CHM: variants seen among roughly 807,000 people sequenced by gnomAD.
CHM encodes the protein rab proteins geranylgeranyltransferase component A 1.
A neutral mutation model predicts 49.0 loss-of-function variants in CHM; 10 were observed. The observed-to-expected ratio is 0.20, with a 90% confidence interval of 0.13 to 0.35. The LOEUF is 0.35. Ranked by LOEUF, CHM falls within the 10% of genes least tolerant of loss-of-function variation. The pLI, the probability that CHM is intolerant of heterozygous loss-of-function variation, is 1.00. For synonymous variants in CHM, 184 were observed against 167.5 expected (o/e 1.10, Z -0.76); for missense variants, 455 against 478.4 (o/e 0.95, Z 0.46).
intron 13 of CHM, among the ~76,000 whole-genome samples, chrX:85,878,227 T>A (rs1291167118): frequency 3.6e-5 from 4 of 111,928 alleles, no homozygotes; most frequent in Non-Finnish European, 5.6e-5. Context: ...CGCCTTTAAT[T>A]CCAGCACTTT....
intron 2 of CHM, among the ~76,000 whole-genome samples, chrX:85,985,469 C>T (rs896876272): frequency 1.6e-4 from 18 of 111,887 alleles, no homozygotes; most frequent in Non-Finnish European, 3.0e-4. Flanking sequence ...CTTTGGATGA[C>T]ATAGCCATTC....
At chrX:85,922,919 G>A (rs963432607) in intron 8 of CHM, among the ~76,000 whole-genome samples, 1 of 112,220 alleles carries the variant, frequency 8.9e-6, no homozygotes, top group African/African-American at 3.2e-5. Context: ...CAATGATCCA[G>A]TATTGCCAAA....
intron 9 of CHM, among the ~76,000 whole-genome samples, chrX:85,905,651 G>A (rs1290917669): frequency 3.6e-5 from 4 of 111,682 alleles, no homozygotes; most frequent in Non-Finnish European, 7.5e-5. Flanking sequence ...ATAACATACA[G>A]TTAAGCAAGC....
intron 5 of CHM, among the ~76,000 whole-genome samples, chrX:85,961,017 A>G (rs1460657429): frequency 9.0e-6 from 1 of 111,547 alleles, no homozygotes; most frequent in Non-Finnish European, 1.9e-5. Context: ...ATGAATGTGT[A>G]TTGTCAACTG....
At chrX:86,035,179 T>G in intron 1 of CHM, among the ~76,000 whole-genome samples, 1 of 112,126 alleles carries the variant, frequency 8.9e-6, no homozygotes, top group East Asian at 2.8e-4. Flanking sequence ...TGGCCCCTCC[T>G]TCCTATTGAA....
intron 8 of CHM, among the ~76,000 whole-genome samples, chrX:85,937,173 G>A (rs1451605282): frequency 9.3e-6 from 1 of 107,792 alleles, no homozygotes; most frequent in Non-Finnish European, 1.9e-5. Context: ...GGCTGAGGCA[G>A]GAGAATCACT....
intron 8 of CHM, among the ~76,000 whole-genome samples, chrX:85,911,852 G>GC (rs1308549772): frequency 3.7e-4 from 41 of 111,583 alleles, no homozygotes; most frequent in African/African-American, 1.3e-3. Context: ...TGCAGCAGAA[G>GC]CCCTAGGGAG....
At chrX:85,960,457 T>C (rs1406231663) in intron 5 of CHM, among the ~76,000 whole-genome samples, 2 of 110,063 alleles carry the variant, frequency 1.8e-5, no homozygotes, top group East Asian at 5.7e-4. Context: ...ACAGAGTCTC[T>C]CTGCTGCTCA....
intron 8 of CHM, among the ~76,000 whole-genome samples, chrX:85,919,321 T>TAAA (rs1927643376): frequency 9.0e-6 from 1 of 111,601 alleles, no homozygotes; most frequent in Middle Eastern, 4.3e-3. Flanking sequence ...AATAATCCAC[T>TAAA]TAACCAAAAT....
intron 8 of CHM, among the ~76,000 whole-genome samples, chrX:85,954,762 C>T (rs1181743780): frequency 1.8e-5 from 2 of 109,461 alleles, no homozygotes; most frequent in East Asian, 2.9e-4. Context: ...TGTGGTGGCA[C>T]GTGCCTGTAA....
At chrX:85,876,461 G>A (rs1924418372) in intron 13 of CHM, among the ~76,000 whole-genome samples, 1 of 111,817 alleles carries the variant, frequency 8.9e-6, no homozygotes, top group South Asian at 3.7e-4. Context: ...GTGCTTTAAT[G>A]TATTAGAAGT....
At position 85,864,580 on chromosome X, in the gene CHM, G is replaced by A. The variant is rs1358990425; in HGVS notation, c.*50C>T. 2 of 1,058,851 alleles carry A rather than the reference G, an allele frequency of 1.9e-6. No individual in the cohort carries two copies. The highest frequency in any genetic ancestry group is 2.3e-5 in the Admixed American group (1 of 43,424). The allele number at this position is 1,058,851 out of a possible 1,213,427, so 87.3% of individuals were successfully genotyped here. On this transcript the variant is annotated 3_prime_UTR_variant, in exon 15 of 15. Transcript: ENST00000357749. ...ACAGTCCTTCTATCAAGTAGACTCT[G>A]AGACCAGTCAGAATTTCCAAAGTTG... is the stretch of plus-strand genomic sequence containing the variant.
intron 12 of CHM, among the ~76,000 whole-genome samples, chrX:85,886,714 C>G (rs1925108953): frequency 9.1e-6 from 1 of 109,896 alleles, no homozygotes; most frequent in Non-Finnish European, 1.9e-5. Flanking sequence ...GTCAGTGACT[C>G]TCAATTAGGG....
intron 13 of CHM, among the ~76,000 whole-genome samples, chrX:85,878,389 A>T (rs1294966825): frequency 9.1e-6 from 1 of 109,680 alleles, no homozygotes; most frequent in Non-Finnish European, 1.9e-5. Flanking sequence ...CTGAGGCAGG[A>T]GAATTGCTTG....
chrX:85,891,313 GA>G (rs1223438116), intron 12 of CHM, among the ~76,000 whole-genome samples: 2 of 112,030 alleles, frequency 1.8e-5, no homozygotes, highest in Non-Finnish European at 3.8e-5. Context: ...AGCCCATGAG[GA>G]AAATGTCTCC....
intron 4 of CHM, among the ~76,000 whole-genome samples, chrX:85,976,515 G>C (rs967971277): frequency 9.1e-6 from 1 of 109,834 alleles, no homozygotes; most frequent in Admixed American, 9.7e-5. Flanking sequence ...CCAGCTACTC[G>C]GGAGGCTGAG....
intron 2 of CHM, among the ~76,000 whole-genome samples, chrX:86,009,584 T>A (rs1215730628): frequency 8.9e-6 from 1 of 112,674 alleles, no homozygotes; most frequent in South Asian, 3.6e-4. Flanking sequence ...ATATTTTGCA[T>A]CTTATTCCAC....
At chrX:85,875,797 T>C (rs1171994380) in intron 13 of CHM, among the ~76,000 whole-genome samples, 2 of 111,591 alleles carry the variant, frequency 1.8e-5, no homozygotes, top group African/African-American at 3.3e-5. Context: ...TATGATTCTA[T>C]ACCTAGAAAA....
intron 4 of CHM, among the ~76,000 whole-genome samples, chrX:85,973,892 T>A (rs1931106787): frequency 9.0e-6 from 1 of 111,729 alleles, no homozygotes; most frequent in Non-Finnish European, 1.9e-5. Context: ...AGAAAATAGA[T>A]TCTTAAAAAC....
Sources: gnomAD v4.1 joint callset for allele counts (sites outside exome capture counted in the v4.1 genomes callset) on GRCh38, gnomAD v4.1.1 for gene constraint, MANE v1.5 for transcripts, NCBI Gene and HGNC (gene_info 2026-07-23, HGNC 2026-07-21) for gene names.